The following CYP19A1 variants were observed in gnomAD, a reference collection of about 807,000 sequenced individuals.
CYP19A1 encodes the protein aromatase.
CYP19A1 carries 32 observed loss-of-function variants against 44.4 expected under a neutral mutation model. That is an observed-to-expected ratio of 0.72 (90% CI 0.54 to 0.97). CYP19A1 has a LOEUF of 0.97. Among genes scored for constraint, CYP19A1 ranks in the 50% least tolerant of loss-of-function variants. The pLI is 0.00. For synonymous variants in CYP19A1, 212 were observed against 215.6 expected, an observed-to-expected ratio of 0.98 and a Z score of 0.14; for missense variants, 598 against 637.8, an observed-to-expected ratio of 0.94 and a Z score of 0.67.
intron 1 of CYP19A1, chr15:51,293,854 C>G (rs2445756): frequency 0.095 from 17,782 of 187,890 alleles, 1,001 homozygotes; most frequent in African/African-American, 0.13. Flanking sequence ...CTCGTTCACT[C>G]ACTGCTCAAT....
At chr15:51,288,297 A>G (rs1027901830) in intron 1 of CYP19A1, among the ~76,000 whole-genome samples, 3 of 152,046 alleles carry the variant, frequency 2.0e-5, no homozygotes, top group Non-Finnish European at 2.9e-5. Context: ...GGAGACAGGA[A>G]TTCTTGTTCA....
chr15:51,310,240 G>A (rs1455796909), intron 1 of CYP19A1, among the ~76,000 whole-genome samples: 4 of 152,098 alleles, frequency 2.6e-5, no homozygotes, highest in Non-Finnish European at 5.9e-5. Flanking sequence ...ACAATTAACT[G>A]AGGTCTCTGA....
rs1166663199 is a variant in CYP19A1 at position 51,236,930 on chromosome 15, G to A, written c.225C>T (p.Asn75=). The A allele has an allele frequency of 6.2e-7, 1 of 1,614,086 alleles. No individual in the cohort carries two copies. The highest frequency in any genetic ancestry group is 1.3e-5 in the African/African-American group (1 of 74,934). The change falls in exon 3 of 10, where the codon AAC becomes AAT. Residue 75 remains asparagine (N), a synonymous_variant. Transcript: ENST00000396402. ...ATTCTCCATATACCCGGTTGTAGTA[G>A]TTGCAGGCACTGCCGATCCCCATCC... The part of the protein sequence containing the change: ...FLWMGIGSAC[N]YYNRVYGEFM...
At chr15:51,252,372 C>T (rs1043131737) in intron 1 of CYP19A1, among the ~76,000 whole-genome samples, 1 of 152,298 alleles carries the variant, frequency 6.6e-6, no homozygotes, top group Non-Finnish European at 1.5e-5. Flanking sequence ...AACCTTCTGC[C>T]TCAGGTGTCC....
chr15:51,226,513 C>A (rs1271334883), intron 4 of CYP19A1, among the ~76,000 whole-genome samples: 2 of 152,200 alleles, frequency 1.3e-5, no homozygotes, highest in East Asian at 3.8e-4. Context: ...GGGAGGGCAG[C>A]TCTGAAGGCT....
intron 1 of CYP19A1, among the ~76,000 whole-genome samples, chr15:51,254,755 A>C (rs756940485): frequency 3.3e-5 from 5 of 152,116 alleles, no homozygotes; most frequent in Admixed American, 2.6e-4. Context: ...TTATGGATGC[A>C]ATATCTGTTT....
intron 6 of CYP19A1, among the ~76,000 whole-genome samples, chr15:51,216,886 C>T (rs867950991): frequency 6.6e-6 from 1 of 152,136 alleles, no homozygotes; most frequent in African/African-American, 2.4e-5. Flanking sequence ...AATAAAGTCA[C>T]CTTAATCTAA....
At chr15:51,217,688 G>T (rs566718253) in intron 6 of CYP19A1, among the ~76,000 whole-genome samples, 1 of 152,158 alleles carries the variant, frequency 6.6e-6, no homozygotes, top group Non-Finnish European at 1.5e-5. Flanking sequence ...AGGAAAGGGA[G>T]AAACTAACAT....
intron 1 of CYP19A1, among the ~76,000 whole-genome samples, chr15:51,286,186 G>A (rs570468201): frequency 3.5e-4 from 53 of 152,196 alleles, no homozygotes; most frequent in Middle Eastern, 3.4e-3. Context: ...CTGCTGGATC[G>A]CCCCTTCTCT....
chr15:51,279,057 A>G (rs568115724), intron 1 of CYP19A1: 6 of 152,376 alleles, frequency 3.9e-5, no homozygotes, highest in Non-Finnish European at 7.3e-5. Context: ...GGATAACTCC[A>G]TAACACACCT....
intron 5 of CYP19A1, chr15:51,221,532 G>A (rs6493487): frequency 0.79 from 120,241 of 152,142 alleles, 47,977 homozygotes; most frequent in African/African-American, 0.91. Flanking sequence ...CAGGTGTTTG[G>A]TCATTAGGTT....
At chr15:51,240,215 C>A (rs1566888823) in intron 2 of CYP19A1, among the ~76,000 whole-genome samples, 1 of 152,132 alleles carries the variant, frequency 6.6e-6, no homozygotes, top group Non-Finnish European at 1.5e-5. Flanking sequence ...TCTCTTTAAT[C>A]TTTTCACACA....
chr15:51,328,493 A>T (rs2036647790), intron 1 of CYP19A1, among the ~76,000 whole-genome samples: 1 of 152,150 alleles, frequency 6.6e-6, no homozygotes, highest in Admixed American at 6.5e-5. Context: ...ATTTCCAAAG[A>T]TAGCTCTAAT....
chr15:51,258,492 T>C (rs954213899), intron 1 of CYP19A1, among the ~76,000 whole-genome samples: 1 of 152,204 alleles, frequency 6.6e-6, no homozygotes, highest in East Asian at 1.9e-4. Flanking sequence ...CTATAAACTA[T>C]CCTGTATGTG....
chr15:51,322,183 C>T (rs1333401174), intron 1 of CYP19A1, among the ~76,000 whole-genome samples: 1 of 152,214 alleles, frequency 6.6e-6, no homozygotes, highest in African/African-American at 2.4e-5. Context: ...GAGCCCCTGG[C>T]TGCTTCCCTG....
At chr15:51,300,452 C>T (rs548723946) in intron 1 of CYP19A1, among the ~76,000 whole-genome samples, 4 of 152,306 alleles carry the variant, frequency 2.6e-5, no homozygotes, top group African/African-American at 7.2e-5. Context: ...ATCTCTGGGG[C>T]AGATGATTGG....
intron 1 of CYP19A1, among the ~76,000 whole-genome samples, chr15:51,335,748 C>T (rs539065674): frequency 3.3e-5 from 5 of 152,216 alleles, no homozygotes; most frequent in African/African-American, 2.4e-5. Flanking sequence ...ATCCATCTAC[C>T]GACTCCTCCC....
At chr15:51,229,718 C>A (rs2032881448) in intron 3 of CYP19A1, among the ~76,000 whole-genome samples, 1 of 151,854 alleles carries the variant, frequency 6.6e-6, no homozygotes, top group South Asian at 2.1e-4. Context: ...CTTTACTTAC[C>A]TTCCCCTCCA....
At chr15:51,254,332 C>G (rs2034437753) in intron 1 of CYP19A1, among the ~76,000 whole-genome samples, 1 of 152,196 alleles carries the variant, frequency 6.6e-6, no homozygotes, top group African/African-American at 2.4e-5. Context: ...ATCTTTTCTA[C>G]CACACTTGGT....
Sources: allele counts gnomAD v4.1 joint callset (sites outside exome capture counted in the v4.1 genomes callset), GRCh38; gene constraint gnomAD v4.1.1; transcripts MANE v1.5; gene names NCBI Gene and HGNC (gene_info 2026-07-23, HGNC 2026-07-21).